Variants in PTPRG observed in about 807,000 individuals in gnomAD.
The protein encoded by PTPRG is receptor-type tyrosine-protein phosphatase gamma.
In PTPRG, 102 loss-of-function variants were observed where a neutral mutation model predicts 165.3. The observed-to-expected ratio is 0.62, with a 90% CI of 0.53 to 0.73. The LOEUF is 0.73. Ranked by LOEUF, PTPRG falls within the 30% of genes least tolerant of loss-of-function variation. The probability of loss-of-function intolerance (pLI) is 0.00; values close to 1 mark genes in which losing one functional copy is unlikely to be tolerated. For synonymous variants in PTPRG, 675 were observed against 669.5 expected, an observed-to-expected ratio of 1.01 and a Z score of -0.13; for missense variants, 1,866 against 1,861.4, an observed-to-expected ratio of 1.00 and a Z score of -0.05.
In PTPRG at chr3:62,064,864, C is replaced by A. The variant is rs349175; in HGVS notation, c.520-13299C>A. ...TCTCCTGCCTCGGCCTCCCGAGTAG[C>A]GTGATTACAGGCGCGTGCCACCACG... On this transcript the variant is annotated intron_variant, in intron 4 of 29. Transcript: ENST00000474889. Among the ~76,000 whole-genome samples, 5 of 151,530 alleles carry A rather than the reference C, an allele frequency of 3.3e-5. No individual in the cohort carries two copies. The South Asian group carries it at 1.0e-3, about 32-fold the overall frequency.
intron 1 of PTPRG, among the ~76,000 whole-genome samples, chr3:61,711,746 T>C (rs1371922011): frequency 1.3e-5 from 2 of 152,188 alleles, no homozygotes; most frequent in African/African-American, 4.8e-5. Context: ...TTACAAGTTT[T>C]CTCTTTACTT....
chr3:61,693,728 G>C (rs533414594), intron 1 of PTPRG, among the ~76,000 whole-genome samples: 1 of 152,254 alleles, frequency 6.6e-6, no homozygotes, highest in Non-Finnish European at 1.5e-5. Context: ...GCTTTAGGCC[G>C]GGTGCAGCGG....
At chr3:61,941,929 C>T (rs913888374) in intron 2 of PTPRG, among the ~76,000 whole-genome samples, 4 of 151,378 alleles carry the variant, frequency 2.6e-5, no homozygotes, top group Admixed American at 6.6e-5. Flanking sequence ...AAGGTCGCGG[C>T]GGGTGGATTA....
intron 1 of PTPRG, among the ~76,000 whole-genome samples, chr3:61,582,628 C>A (rs562894811): frequency 5.3e-4 from 81 of 152,264 alleles, no homozygotes; most frequent in African/African-American, 1.8e-3. Flanking sequence ...GGAAGGATGA[C>A]CAGGCTCACT....
chr3:61,806,557 C>A (rs927273965), intron 2 of PTPRG, among the ~76,000 whole-genome samples: 1 of 151,576 alleles, frequency 6.6e-6, no homozygotes, highest in African/African-American at 2.4e-5. Context: ...GATTTTTGTA[C>A]TTCTGGATTT....
intron 5 of PTPRG, among the ~76,000 whole-genome samples, chr3:62,103,390 A>G (rs192123646): frequency 9.3e-5 from 14 of 150,906 alleles, no homozygotes; most frequent in Admixed American, 7.3e-4. Context: ...CACATGTCTA[A>G]CTAGAATTCT....
intron 4 of PTPRG, among the ~76,000 whole-genome samples, chr3:62,015,626 A>G (rs1224652242): frequency 6.6e-6 from 1 of 152,078 alleles, no homozygotes; most frequent in African/African-American, 2.4e-5. Context: ...ACAGGCACAC[A>G]CCATCACACC....
At chr3:62,122,346 C>T (rs1411188091) in intron 5 of PTPRG, among the ~76,000 whole-genome samples, 3 of 152,100 alleles carry the variant, frequency 2.0e-5, no homozygotes, top group Non-Finnish European at 4.4e-5. Flanking sequence ...TCCATGAGCC[C>T]ATGGTTTGGA....
chr3:62,137,147 G>A (rs537910267), intron 6 of PTPRG, among the ~76,000 whole-genome samples: 4 of 152,056 alleles, frequency 2.6e-5, no homozygotes, highest in Middle Eastern at 3.2e-3. Context: ...TATTTTATTT[G>A]CCCTATTATC....
intron 1 of PTPRG, among the ~76,000 whole-genome samples, chr3:61,740,234 T>G (rs2032924943): frequency 6.6e-6 from 1 of 152,216 alleles, no homozygotes; most frequent in Non-Finnish European, 1.5e-5. Context: ...ATCAGGAGAT[T>G]TGTTTCCTTG....
chr3:62,291,401 G>A (rs894634776), intron 28 of PTPRG, among the ~76,000 whole-genome samples: 16 of 151,994 alleles, frequency 1.1e-4, no homozygotes, highest in African/African-American at 3.6e-4. Context: ...CCATCTAGAA[G>A]GTAAACCTGG....
intron 12 of PTPRG, among the ~76,000 whole-genome samples, chr3:62,206,556 T>C (rs1460456100): frequency 6.6e-6 from 1 of 152,026 alleles, no homozygotes; most frequent in Non-Finnish European, 1.5e-5. Context: ...ATGGTGACTG[T>C]GAGGAGGCCC....
At chr3:61,811,621 T>C (rs1340244915) in intron 2 of PTPRG, among the ~76,000 whole-genome samples, 1 of 152,214 alleles carries the variant, frequency 6.6e-6, no homozygotes, top group South Asian at 2.1e-4. Context: ...GCCTGAGTTC[T>C]ATATTGGAAA....
intron 2 of PTPRG, among the ~76,000 whole-genome samples, chr3:61,778,921 A>G (rs546056378): frequency 1.1e-3 from 165 of 152,176 alleles, no homozygotes; most frequent in Non-Finnish European, 1.8e-3. Flanking sequence ...TGAGAGAGAG[A>G]GGAATAGTGT....
intron 26 of PTPRG, among the ~76,000 whole-genome samples, chr3:62,279,144 C>A (rs368189967): frequency 5.9e-5 from 9 of 151,980 alleles, no homozygotes; most frequent in East Asian, 3.9e-4. Context: ...TCTCTGAGTT[C>A]TTTTTGTTTG....
rs564723071 is a variant in PTPRG at position 61,899,382 on chromosome 3, C to T, written c.191-90243C>T. 5.3e-5 allele frequency among the ~76,000 whole-genome samples: 8 copies of T among 152,144 alleles called. No homozygotes were observed. The South Asian group carries it at 1.2e-3, about 24-fold the overall frequency. ...TGCTAATATTTTTAGGTAAAAGGAA[C>T]GTAAGGGAAATATTTTCAGGAAAAA... On this transcript the variant is annotated intron_variant, in intron 2 of 29. Transcript: ENST00000474889.
At chr3:61,936,133 C>G (rs151231370) in intron 2 of PTPRG, among the ~76,000 whole-genome samples, 2,599 of 152,322 alleles carry the variant, frequency 0.017, 38 homozygotes, top group Middle Eastern at 0.048. Flanking sequence ...CAGAGAACAG[C>G]TCTCATCAGA....
rs149158341 is a variant in PTPRG at position 62,267,418 on chromosome 3, A to G, written c.2665A>G (p.Ser889Gly). The change falls in exon 18 of 30, where the codon AGT becomes GGT. Residue 889 changes from serine (S) to glycine (G), a missense_variant. Transcript: ENST00000474889. ...TTTCTTATCTTCTATAGATGATCAC[A>G]GTAGGGTGAAGTTAAGACCTTTACC... The part of the protein sequence containing the change: ...RYINILAYDH[S>G]RVKLRPLPGK... The G allele has an allele frequency of 3.7e-6, 6 of 1,604,102 alleles. No homozygotes were observed. In the African/African-American group the frequency reaches 6.7e-5, roughly 18 times the overall value.
chr3:61,980,154 A>T (rs760987503), intron 2 of PTPRG, among the ~76,000 whole-genome samples: 2 of 152,188 alleles, frequency 1.3e-5, no homozygotes, highest in Admixed American at 6.5e-5. Flanking sequence ...CAAAGAAAGG[A>T]AATCCTGGCC....
Sources: gnomAD v4.1 joint callset for allele counts (sites outside exome capture counted in the v4.1 genomes callset) on GRCh38, gnomAD v4.1.1 for gene constraint, MANE v1.5 for transcripts, NCBI Gene and HGNC (gene_info 2026-07-23, HGNC 2026-07-21) for gene names.